SESN1: variants seen among roughly 807,000 people sequenced by gnomAD.
The protein encoded by SESN1 is sestrin 1, also known as sestrin-1.
In SESN1, 30 loss-of-function variants were observed where a neutral mutation model predicts 59.3. That is an observed-to-expected ratio of 0.51 (90% confidence interval 0.38 to 0.69). The LOEUF (loss-of-function observed/expected upper bound fraction) is 0.69. Among genes scored for constraint, SESN1 ranks in the 30% least tolerant of loss-of-function variants. The pLI is 0.00. For synonymous variants in SESN1, 197 were observed against 219.9 expected (o/e 0.90, Z 0.92); for missense variants, 566 against 673.0 (o/e 0.84, Z 1.76).
At chr6:109,057,598 T>C (rs1397201475) in intron 1 of SESN1, among the ~76,000 whole-genome samples, 1 of 152,264 alleles carries the variant, frequency 6.6e-6, no homozygotes, top group Non-Finnish European at 1.5e-5. Flanking sequence ...CAGAAGTTCA[T>C]ACTTCTCTTA....
intron 1 of SESN1, among the ~76,000 whole-genome samples, chr6:109,079,763 CA>C (rs1251984400): frequency 6.6e-6 from 1 of 151,846 alleles, no homozygotes; most frequent in African/African-American, 2.4e-5. Context: ...GAAAGGGATG[CA>C]AAAAAGTACT....
chr6:109,048,370 G>GTATTGCACCGTGGGTTTAGT (rs970756382), intron 1 of SESN1, among the ~76,000 whole-genome samples: 2 of 152,218 alleles, frequency 1.3e-5, no homozygotes, highest in African/African-American at 4.8e-5. Context: ...CTGCACCACA[G>GTATTGCACCGTGGGTTTAGT]TATTGCACCG....
intron 1 of SESN1, among the ~76,000 whole-genome samples, chr6:109,043,311 A>C (rs1413060585): frequency 1.3e-5 from 2 of 152,176 alleles, no homozygotes; most frequent in Non-Finnish European, 2.9e-5. Context: ...CACCACTCTT[A>C]CACAACATAG....
intron 1 of SESN1, among the ~76,000 whole-genome samples, chr6:109,016,098 A>G (rs550512943): frequency 2.6e-5 from 4 of 152,336 alleles, no homozygotes; most frequent in South Asian, 2.1e-4. Context: ...CCATTTAACC[A>G]TAGGATTTTT....
At chr6:109,059,542 A>G (rs1397734754) in intron 1 of SESN1, 1 of 152,006 alleles carries the variant, frequency 6.6e-6, no homozygotes, top group East Asian at 1.9e-4. Context: ...TTTGCATGTC[A>G]TTCTTGTGCA....
At chr6:109,030,353 A>G (rs192242654) in intron 1 of SESN1, among the ~76,000 whole-genome samples, 111 of 152,350 alleles carry the variant, frequency 7.3e-4, no homozygotes, top group Non-Finnish European at 1.5e-3. Context: ...TCAAGGCTCT[A>G]TGTCCAGAGC....
At chr6:109,009,317 G>C in intron 1 of SESN1, 1 of 1,447,350 alleles carries the variant, frequency 6.9e-7, no homozygotes, top group Admixed American at 2.5e-5. Flanking sequence ...GTGCCCACCC[G>C]CCCAGGTACC....
intron 1 of SESN1, among the ~76,000 whole-genome samples, chr6:109,074,130 G>A (rs113392107): frequency 1.3e-5 from 2 of 152,192 alleles, no homozygotes; most frequent in South Asian, 2.1e-4. Context: ...ATGTGCTATC[G>A]AGGTTTGTAG....
At chr6:109,023,027 G>C (rs575933929) in intron 1 of SESN1, among the ~76,000 whole-genome samples, 1 of 152,250 alleles carries the variant, frequency 6.6e-6, no homozygotes, top group East Asian at 1.9e-4. Context: ...AATCTGCTCT[G>C]TATGACTGCT....
At chr6:109,041,150 A>C (rs967844213) in intron 1 of SESN1, among the ~76,000 whole-genome samples, 10 of 150,976 alleles carry the variant, frequency 6.6e-5, no homozygotes, top group Middle Eastern at 6.8e-3. Context: ...AAAAAAAAAA[A>C]AACAAACCAA....
intron 1 of SESN1, among the ~76,000 whole-genome samples, chr6:109,073,951 T>G (rs1433807103): frequency 6.6e-6 from 1 of 152,242 alleles, no homozygotes; most frequent in African/African-American, 2.4e-5. Flanking sequence ...ATAACCGCTA[T>G]TAGTATTGGG....
intron 5 of SESN1, among the ~76,000 whole-genome samples, chr6:108,995,762 C>T (rs376811111): frequency 2.0e-5 from 3 of 152,020 alleles, no homozygotes; most frequent in African/African-American, 7.2e-5. Context: ...CCAGCCTGGA[C>T]AACAGAGAGA....
intron 1 of SESN1, among the ~76,000 whole-genome samples, chr6:109,067,260 G>A (rs541484267): frequency 6.6e-6 from 1 of 152,060 alleles, no homozygotes; most frequent in Non-Finnish European, 1.5e-5. Context: ...TTGTATCACT[G>A]TCACTGCAGG....
intron 1 of SESN1, among the ~76,000 whole-genome samples, chr6:109,041,791 A>T (rs933989802): frequency 1.3e-5 from 2 of 152,228 alleles, no homozygotes; most frequent in Non-Finnish European, 2.9e-5. Flanking sequence ...TTGCTAGAAC[A>T]ACTAGACAGA....
rs143075960 is a variant in SESN1, at chr6:109,093,845, G to A, written c.229C>T (p.Pro77Ser). Reference sequence around the variant, plus strand: ...CTTTTCTCTCTCACATCTTTGAAGGGACACCTCTTAGAAAGCATAAGCAGA... The same window carrying A: ...CTTTTCTCTCTCACATCTTTGAAGGAACACCTCTTAGAAAGCATAAGCAGA... Reference protein sequence around the residue: ...AHLLMLSKRCPFKDVREKSEF... With the variant: ...AHLLMLSKRCSFKDVREKSEF... Residue 77 changes from proline (P) to serine (S), a missense_variant, in exon 1 of 10, where the codon CCC (proline) becomes TCC (serine). Transcript: ENST00000436639. 3 of 1,614,020 alleles carry A rather than the reference G, an allele frequency of 1.9e-6. No individual in the cohort carries two copies. The highest frequency in any genetic ancestry group is 2.2e-5 in the South Asian group (2 of 91,084).
intron 1 of SESN1, among the ~76,000 whole-genome samples, chr6:109,025,993 A>C (rs1480036152): frequency 6.6e-6 from 1 of 152,082 alleles, no homozygotes; most frequent in Non-Finnish European, 1.5e-5. Flanking sequence ...ATGCAGAATA[A>C]CTTAAAAAAA....
At chr6:108,992,015 T>A (rs1046585293) in intron 7 of SESN1, among the ~76,000 whole-genome samples, 10 of 152,214 alleles carry the variant, frequency 6.6e-5, no homozygotes, top group African/African-American at 2.2e-4. Context: ...CATAAAAAAT[T>A]TCCAGCCCAC....
At position 108,984,926 on chromosome 6, in the gene SESN1, A is replaced by C. The variant is rs546358195; in HGVS notation, c.*2618T>G. ...TTCCCAATTGGTTTCTAGAGTTCTC[A>C]CAAAGATATTCTGGCCCATATATTG... is the stretch of plus-strand genomic sequence containing the variant. On this transcript the variant is annotated 3_prime_UTR_variant, in exon 10 of 10. Transcript: ENST00000436639. Among the ~76,000 whole-genome samples, 6 of 152,124 alleles carry C rather than the reference A, an allele frequency of 3.9e-5. No individual in the cohort carries two copies. Among genetic ancestry groups the C allele is most frequent in the Non-Finnish European group, 7.3e-5 (5 of 68,032 alleles).
chr6:109,063,731 T>C (rs574249172), intron 1 of SESN1, among the ~76,000 whole-genome samples: 201 of 152,272 alleles, frequency 1.3e-3, no homozygotes, highest in African/African-American at 4.5e-3. Flanking sequence ...TTTAATCTGA[T>C]TGTCTTTCTA....
Sources: allele counts gnomAD v4.1 joint callset (sites outside exome capture counted in the v4.1 genomes callset), GRCh38; gene constraint gnomAD v4.1.1; transcripts MANE v1.5; gene names NCBI Gene and HGNC (gene_info 2026-07-23, HGNC 2026-07-21).